The following PPARGC1A variants were observed in gnomAD, a reference collection of about 807,000 sequenced individuals.
PPARGC1A encodes the protein PPARG coactivator 1 alpha, also known as peroxisome proliferator-activated receptor gamma coactivator 1-alpha.
A neutral mutation model predicts 88.7 loss-of-function variants in PPARGC1A; 25 were observed. That is an observed-to-expected ratio of 0.28 (90% CI 0.21 to 0.39). PPARGC1A has a LOEUF of 0.39. PPARGC1A is among the 10% of genes least tolerant of loss of function. PPARGC1A has a pLI of 1.00. For synonymous variants in PPARGC1A, 363 were observed against 355.6 expected, an observed-to-expected ratio of 1.02 and a Z score of -0.24; for missense variants, 880 against 968.7, an observed-to-expected ratio of 0.91 and a Z score of 1.22.
the PPARGC1A span, among the ~76,000 whole-genome samples, chr4:24,177,321 A>G: frequency 6.6e-6 from 1 of 152,146 alleles, no homozygotes; most frequent in Non-Finnish European, 1.5e-5. Context: ...TTGTAGGGAC[A>G]TGGATGAAGC....
the PPARGC1A span, among the ~76,000 whole-genome samples, chr4:24,280,885 A>C: frequency 6.6e-6 from 1 of 152,156 alleles, no homozygotes; most frequent in Admixed American, 6.5e-5. Context: ...AAAGTTAATC[A>C]CTCAAGATAT....
At chr4:24,320,541 T>G in the PPARGC1A span, among the ~76,000 whole-genome samples, 1 of 152,242 alleles carries the variant, frequency 6.6e-6, no homozygotes, top group African/African-American at 2.4e-5. Context: ...TTTTTGACAT[T>G]TCCTAAATAT....
chr4:23,816,378 T>C lies in PPARGC1A; in HGVS notation c.878-1773A>G, dbSNP rs527827749. 2.6e-5 allele frequency among the ~76,000 whole-genome samples: 4 copies of C among 152,354 alleles called. No homozygotes were observed. The East Asian group carries it at 7.7e-4, about 29-fold the overall frequency. On this transcript the variant is annotated intron_variant, in intron 7 of 12. Transcript: ENST00000264867. ...CACTCAACTCTTGTTTCCTCTCTCA[T>C]AGATAAGTATGTCTTTTACTCAACC...
the PPARGC1A span, among the ~76,000 whole-genome samples, chr4:24,470,277 GACAC>G: frequency 0.025 from 2,737 of 110,690 alleles, 41 homozygotes; most frequent in Middle Eastern, 0.036. The surrounding 1 kb of genome is among the most constrained non-coding windows in gnomAD (Gnocchi z 5.8). Flanking sequence ...GACAGACACA[GACAC>G]ACACACACAC....
chr4:24,344,886 G>C, the PPARGC1A span, among the ~76,000 whole-genome samples: 7 of 152,100 alleles, frequency 4.6e-5, no homozygotes, highest in Non-Finnish European at 1.0e-4. Context: ...TATAATTTCA[G>C]GTTTTAGGTT....
chr4:24,154,345 T>C, the PPARGC1A span, among the ~76,000 whole-genome samples: 1 of 152,250 alleles, frequency 6.6e-6, no homozygotes, highest in Admixed American at 6.5e-5. Flanking sequence ...CATGACATCC[T>C]GCACAAGCAC....
the PPARGC1A span, among the ~76,000 whole-genome samples, chr4:23,922,791 C>T: frequency 6.6e-6 from 1 of 152,154 alleles, no homozygotes; most frequent in African/African-American, 2.4e-5. Flanking sequence ...CTGGCTCACC[C>T]GGGCTACACC....
At chr4:24,308,227 G>T in the PPARGC1A span, among the ~76,000 whole-genome samples, 1 of 149,058 alleles carries the variant, frequency 6.7e-6, no homozygotes, top group African/African-American at 2.5e-5. Flanking sequence ...GGGAGGTGGA[G>T]GTTGCAGTGA....
chr4:23,983,580 T>C, the PPARGC1A span, among the ~76,000 whole-genome samples: 1 of 152,044 alleles, frequency 6.6e-6, no homozygotes, highest in Non-Finnish European at 1.5e-5. Flanking sequence ...GTTTGAAATG[T>C]GAAGATGCAA....
chr4:24,291,480 C>T, the PPARGC1A span, among the ~76,000 whole-genome samples: 1 of 152,170 alleles, frequency 6.6e-6, no homozygotes, highest in Non-Finnish European at 1.5e-5. Flanking sequence ...TGTTCTCTGC[C>T]AGGCAAGGCA....
chr4:24,070,363 T>A, the PPARGC1A span, among the ~76,000 whole-genome samples: 2 of 152,276 alleles, frequency 1.3e-5, no homozygotes, highest in South Asian at 4.2e-4. Flanking sequence ...TGCCTACACC[T>A]TAGTCATGAT....
the PPARGC1A span, among the ~76,000 whole-genome samples, chr4:24,425,121 A>G: frequency 2.0e-5 from 3 of 152,336 alleles, no homozygotes; most frequent in East Asian, 1.9e-4. Context: ...CAAACGCTCA[A>G]TGCCTCTCCA....
At chr4:24,201,969 T>G in the PPARGC1A span, among the ~76,000 whole-genome samples, 11 of 151,888 alleles carry the variant, frequency 7.2e-5, no homozygotes, top group African/African-American at 2.7e-4. Flanking sequence ...TGGCGCGATC[T>G]CAGCTCACTG....
At chr4:24,040,923 TTAGAAG>T in the PPARGC1A span, among the ~76,000 whole-genome samples, 1 of 152,174 alleles carries the variant, frequency 6.6e-6, no homozygotes, top group Non-Finnish European at 1.5e-5. Context: ...AAACCATCCT[TTAGAAG>T]TAGAAGACTG....
At chr4:24,143,616 T>TGATA in the PPARGC1A span, among the ~76,000 whole-genome samples, 26 of 151,970 alleles carry the variant, frequency 1.7e-4, no homozygotes, top group African/African-American at 2.7e-4. Context: ...GATAGAAAGA[T>TGATA]GATAGATAGA....
the PPARGC1A span, among the ~76,000 whole-genome samples, chr4:24,438,954 T>C: frequency 6.6e-6 from 1 of 152,118 alleles, no homozygotes; most frequent in Non-Finnish European, 1.5e-5. Context: ...GAATCTATTA[T>C]ATAATTTATT....
At position 23,828,624 on chromosome 4, in the gene PPARGC1A, GA is replaced by G; in HGVS notation, c.553-21del. 1.2e-6 allele frequency: 2 copies of G among 1,610,856 alleles called. No homozygotes were observed. Among genetic ancestry groups the G allele is most frequent in the Non-Finnish European group, 1.7e-6 (2 of 1,177,250 alleles). On this transcript the variant is annotated intron_variant, in intron 4 of 12. Transcript: ENST00000264867. ...CTCAGTCTTAAAAACAAGGCATAAA[GA>G]AAGCTAAAATTAGTGAACTGAACCT...
the PPARGC1A span, among the ~76,000 whole-genome samples, chr4:24,358,468 C>T: frequency 2.6e-5 from 4 of 152,198 alleles, no homozygotes; most frequent in African/African-American, 7.2e-5. Context: ...CTAAACACTA[C>T]TTTTTGTTAA....
the PPARGC1A span, among the ~76,000 whole-genome samples, chr4:24,406,520 C>G: frequency 6.6e-6 from 1 of 152,314 alleles, no homozygotes; most frequent in Middle Eastern, 3.4e-3. Context: ...CACTCAGTGT[C>G]TTTTAAAATA....
Sources: allele counts gnomAD v4.1 joint callset (sites outside exome capture counted in the v4.1 genomes callset), GRCh38; gene constraint gnomAD v4.1.1; non-coding constraint Gnocchi (gnomAD v3.1); transcripts MANE v1.5; gene names NCBI Gene and HGNC (gene_info 2026-07-23, HGNC 2026-07-21).